Variants in ZMIZ1 observed in about 807,000 individuals in gnomAD.
ZMIZ1 encodes zinc finger MIZ-type containing 1, also known as zinc finger MIZ domain-containing protein 1.
ZMIZ1 carries 17 observed loss-of-function variants against 113.9 expected under a neutral mutation model. The observed-to-expected ratio is 0.15, with a 90% CI of 0.10 to 0.22. ZMIZ1 has a LOEUF of 0.22. Ranked by LOEUF, ZMIZ1 falls within the 10% of genes least tolerant of loss-of-function variation. The pLI is 1.00. For synonymous variants in ZMIZ1, 607 were observed against 603.1 expected (o/e 1.01, Z -0.09); for missense variants, 1,059 against 1,477.8 (o/e 0.72, Z 4.65).
At chr10:79,104,306 T>C (rs1322814044) in intron 1 of ZMIZ1, among the ~76,000 whole-genome samples, 1 of 152,166 alleles carries the variant, frequency 6.6e-6, no homozygotes, top group Non-Finnish European at 1.5e-5. Flanking sequence ...TTGCAGGATC[T>C]TGGGGAGCGG....
intron 23 of ZMIZ1, 148 bp from the exon 24 acceptor site, chr10:79,310,776 C>T: frequency 2.1e-6 from 2 of 948,296 alleles, no homozygotes; most frequent in Middle Eastern, 3.3e-4. Flanking sequence ...TGTTTCTCTG[C>T]CCAGAAACAA....
chr10:79,168,278 G>A (rs374444413), intron 4 of ZMIZ1, among the ~76,000 whole-genome samples: 15 of 152,320 alleles, frequency 9.8e-5, no homozygotes, highest in East Asian at 9.7e-4. Context: ...GCTCCCCCGG[G>A]GGCCTACCTC....
chr10:79,239,626 G>A (rs905796855), intron 7 of ZMIZ1, among the ~76,000 whole-genome samples: 2 of 152,212 alleles, frequency 1.3e-5, no homozygotes, highest in Non-Finnish European at 2.9e-5. Flanking sequence ...TAAGCGGTCA[G>A]AGGGAGCCTG....
At chr10:79,193,839 G>A (rs1386511133) in intron 4 of ZMIZ1, among the ~76,000 whole-genome samples, 1 of 152,200 alleles carries the variant, frequency 6.6e-6, no homozygotes. Context: ...CGGGAGGCAG[G>A]GAGCAGCCCC....
intron 23 of ZMIZ1, among the ~76,000 whole-genome samples, chr10:79,309,074 ACTT>A (rs1397574630): frequency 1.3e-5 from 2 of 152,158 alleles, no homozygotes; most frequent in East Asian, 3.9e-4. Flanking sequence ...TCACAGGTAA[ACTT>A]CTACCACACC....
intron 1 of ZMIZ1, among the ~76,000 whole-genome samples, chr10:79,109,930 C>T (rs1225140333): frequency 6.6e-6 from 1 of 152,246 alleles, no homozygotes; most frequent in Admixed American, 6.5e-5. Flanking sequence ...CAATAATGAC[C>T]CTCACCAGTG....
intron 24 of ZMIZ1, 74 bp from the exon 25 acceptor site, chr10:79,312,568 G>C: frequency 6.6e-7 from 1 of 1,506,930 alleles, no homozygotes; most frequent in Non-Finnish European, 9.2e-7. Flanking sequence ...GGGCCAGGGC[G>C]CCCCTGCATT....
chr10:79,089,015 G>A (rs1044320765), intron 1 of ZMIZ1, among the ~76,000 whole-genome samples: 8 of 152,204 alleles, frequency 5.3e-5, no homozygotes, highest in South Asian at 4.1e-4. Flanking sequence ...TACTCCCTAC[G>A]TGAGGCCACA....
At chr10:79,261,229 G>C (rs1204348076) in intron 7 of ZMIZ1, among the ~76,000 whole-genome samples, 1 of 152,202 alleles carries the variant, frequency 6.6e-6, no homozygotes, top group African/African-American at 2.4e-5. Flanking sequence ...CATCCAGTTC[G>C]TGCTTGCCCA....
intron 7 of ZMIZ1, among the ~76,000 whole-genome samples, chr10:79,233,880 C>T (rs1010486354): frequency 3.7e-4 from 56 of 151,930 alleles, no homozygotes; most frequent in African/African-American, 1.3e-3. Flanking sequence ...ACACTTTGAT[C>T]GGCATATGGA....
intron 3 of ZMIZ1, among the ~76,000 whole-genome samples, chr10:79,141,683 C>T (rs1845278396): frequency 6.6e-6 from 1 of 152,206 alleles, no homozygotes; most frequent in Non-Finnish European, 1.5e-5. Flanking sequence ...TCTGGGATTA[C>T]AGGTGTGAGC....
intron 3 of ZMIZ1, among the ~76,000 whole-genome samples, chr10:79,159,296 C>A (rs1840654057): frequency 6.6e-6 from 1 of 152,256 alleles, no homozygotes; most frequent in Non-Finnish European, 1.5e-5. Context: ...GGAGGCCAAG[C>A]CCACACAGGC....
chr10:79,285,484 A>G (rs776376986), intron 8 of ZMIZ1: 4 of 456,060 alleles, frequency 8.8e-6, no homozygotes, highest in South Asian at 6.2e-5. Flanking sequence ...GAGAGTGAGC[A>G]GTGGTTTCAT....
At chr10:79,170,858 A>G (rs528117215) in intron 4 of ZMIZ1, among the ~76,000 whole-genome samples, 1 of 152,088 alleles carries the variant, frequency 6.6e-6, no homozygotes, top group African/African-American at 2.4e-5. Context: ...GCGGCCCACC[A>G]TGCCTCTCGT....
At chr10:79,207,305 C>T (rs1366362941) in intron 5 of ZMIZ1, among the ~76,000 whole-genome samples, 1 of 152,248 alleles carries the variant, frequency 6.6e-6, no homozygotes, top group Admixed American at 6.5e-5. Context: ...GTGCTGTGGA[C>T]ACCCTCCAGG....
chr10:79,298,075 C>T (rs1265325609), intron 14 of ZMIZ1, among the ~76,000 whole-genome samples: 1 of 152,136 alleles, frequency 6.6e-6, no homozygotes, highest in Non-Finnish European at 1.5e-5. Flanking sequence ...GCTTCATTCC[C>T]GCTGTCCTGT....
chr10:79,311,232 C>G, intron 24 of ZMIZ1, 48 bp downstream of exon 24: 1 of 1,287,682 alleles, frequency 7.8e-7, no homozygotes, highest in South Asian at 1.3e-5. Flanking sequence ...GGCCTGGCGC[C>G]GGGACCTGCC....
At chr10:79,132,227 C>A (rs1024150540) in intron 2 of ZMIZ1, among the ~76,000 whole-genome samples, 3 of 152,178 alleles carry the variant, frequency 2.0e-5, no homozygotes, top group African/African-American at 7.2e-5. Context: ...CAGACTGAGT[C>A]AGGGTAGTCA....
At position 79,306,220 on chromosome 10, in the gene ZMIZ1, G is replaced by C. The variant is rs187449275; in HGVS notation, c.2544G>C (p.Met848Ile). Residue 848 changes from methionine (M) to isoleucine (I), a missense_variant, in exon 22 of 25, where the codon ATG becomes ATC. Physicochemically the swap from Met to Ile is conservative, Grantham distance 10. Transcript: ENST00000334512. ...DGIPSKRFKT[M>I]SPSQMIMPNV... The stretch of plus-strand genomic sequence containing the variant: ...TCCCCTCCAAGCGGTTCAAGACCAT[G>C]AGTCCCAGCCAGATGATCATGCCCA... The C allele has an allele frequency of 6.8e-6, 11 of 1,614,178 alleles. No individual in the cohort carries two copies. The Admixed American group carries it at 1.8e-4, about 27-fold the overall frequency.
Sources: gnomAD v4.1 joint callset for allele counts (sites outside exome capture counted in the v4.1 genomes callset) on GRCh38, gnomAD v4.1.1 for gene constraint, MANE v1.5 for transcripts, NCBI Gene and HGNC (gene_info 2026-07-23, HGNC 2026-07-21) for gene names.